The following DOCK6 variants were observed in gnomAD, a reference collection of about 807,000 sequenced individuals.
The protein encoded by DOCK6 is dedicator of cytokinesis 6.
In DOCK6, 167 loss-of-function variants were observed where a neutral mutation model predicts 230.3. That is an observed-to-expected ratio of 0.73 (90% CI 0.64 to 0.82). The LOEUF (loss-of-function observed/expected upper bound fraction) is 0.82. Among genes scored for constraint, DOCK6 ranks in the 40% least tolerant of loss-of-function variants. The probability of loss-of-function intolerance (pLI) is 0.00; values close to 1 mark genes in which losing one functional copy is unlikely to be tolerated. For missense variants in DOCK6, 2,598 were observed against 2,825.8 expected (o/e 0.92, Z 1.83); for synonymous variants, 1,148 against 1,185.0 (o/e 0.97, Z 0.64).
At chr19:11,221,826 C>A (rs2079582341) in intron 28 of DOCK6, 25 bp downstream of exon 28, 6 of 1,613,542 alleles carry the variant, frequency 3.7e-6, no homozygotes, top group East Asian at 2.2e-5. Context: ...GATCATGTGA[C>A]CCCATCTTCC....
At chr19:11,250,701 T>C (rs1292249144) in intron 6 of DOCK6, among the ~76,000 whole-genome samples, 173 bp downstream of exon 6, 1 of 152,058 alleles carries the variant, frequency 6.6e-6, no homozygotes, top group Non-Finnish European at 1.5e-5. Flanking sequence ...TGTCCACATA[T>C]AGAAGCTATT....
chr19:11,250,605 C>T (rs1449629039), intron 6 of DOCK6, among the ~76,000 whole-genome samples: 1 of 152,024 alleles, frequency 6.6e-6, no homozygotes, highest in African/African-American at 2.4e-5. Context: ...CCACCATGCC[C>T]GGCCTAGAAG....
At chr19:11,229,361 G>C in intron 22 of DOCK6, 1 of 1,123,262 alleles carries the variant, frequency 8.9e-7, no homozygotes, top group Non-Finnish European at 1.1e-6. Flanking sequence ...CGAGGTAGGA[G>C]GAGGCTCGGC....
At chr19:11,220,134 G>A (rs1278677877) in intron 28 of DOCK6, among the ~76,000 whole-genome samples, 4 of 151,714 alleles carry the variant, frequency 2.6e-5, no homozygotes, top group Non-Finnish European at 5.9e-5. Flanking sequence ...TTGTATTTTT[G>A]GGACAGACAG....
rs150678831 is a variant in DOCK6, at chr19:11,228,205, T to G, written c.2815-728A>C. Among the ~76,000 whole-genome samples the G allele has an allele frequency of 7.7e-3, 1,173 of 152,180 alleles. 12 individuals are homozygous for G. Among genetic ancestry groups the G allele is most frequent in the African/African-American group, 0.026 (1,075 of 41,510 alleles). On this transcript the variant is annotated intron_variant, in intron 23 of 47. Transcript: ENST00000294618. Reference sequence around the variant, plus strand: ...TTTGTATTTTTAGTAGAGATGGGGTTTCACCATGTTGGCCAGGCTGGTCTC... The same window carrying G: ...TTTGTATTTTTAGTAGAGATGGGGTGTCACCATGTTGGCCAGGCTGGTCTC...
chr19:11,210,485 CCTGT>C (rs1433469994), intron 37 of DOCK6, among the ~76,000 whole-genome samples: 2 of 147,154 alleles, frequency 1.4e-5, no homozygotes, highest in African/African-American at 5.0e-5. Context: ...CACCCCCTCA[CCTGT>C]CTATCCCCTC....
At chr19:11,223,483 G>A (rs545972005) in intron 24 of DOCK6, among the ~76,000 whole-genome samples, 3 of 152,240 alleles carry the variant, frequency 2.0e-5, no homozygotes, top group South Asian at 2.1e-4. Flanking sequence ...GGTGGGTGCC[G>A]GGGAACTGCC....
At position 11,243,637 on chromosome 19, in the gene DOCK6, G is replaced by A. The variant is rs745451038; in HGVS notation, c.1178C>T (p.Pro393Leu). The A allele has an allele frequency of 1.9e-6, 3 of 1,612,726 alleles. No individual in the cohort carries two copies. The South Asian group carries it at 3.3e-5, about 18-fold the overall frequency. The change falls in exon 11 of 48, where the codon CCC (proline) becomes CTC (leucine). Residue 393 changes from proline to leucine, a missense_variant. Pro to Leu is a moderately conservative substitution (Grantham distance 98). Coordinates refer to ENST00000294618, the MANE Select transcript of DOCK6 (RefSeq NM_020812.4). This position sits in a 1 kb window ranked among gnomAD's most constrained non-coding sequence, Gnocchi z 6.3. ...FCTRLGRYRM[P>L]FAWTAVHLAN... ...CAAGTGCACGGCCGTCCAGGCGAAG[G>A]GCATGCGGTAGCGGCCCAGGCGGGT... is the stretch of plus-strand genomic sequence containing the variant.
At chr19:11,229,762 G>A (rs2079733852) in intron 22 of DOCK6, among the ~76,000 whole-genome samples, 1 of 151,744 alleles carries the variant, frequency 6.6e-6, no homozygotes, top group African/African-American at 2.4e-5. Flanking sequence ...CTCAATACCT[G>A]TTATCCCAGC....
intron 39 of DOCK6, chr19:11,208,172 G>C (rs991986409): frequency 6.6e-6 from 1 of 151,922 alleles, no homozygotes; most frequent in Non-Finnish European, 1.5e-5. Context: ...AAGGAAAATT[G>C]AAAGCATCTC....
rs2079977933 is a variant in DOCK6, at chr19:11,243,339, GT to G, written c.1304del (p.Asp435AlafsTer20). ...WTDRRRRGPQDRASSGDDACS... is the reference protein window; with the variant it reads ...WTDRRRRGPQXRASSGDDACS... ...AGGCGTCGTCCCCACTACTCGCCCG[GT>G]CCTGGGGCCCCCGACGGCGGCGGTC... On this transcript the variant is annotated frameshift_variant, in exon 12 of 48. Coordinates refer to ENST00000294618, the MANE Select transcript of DOCK6 (RefSeq NM_020812.4). LOFTEE classifies it high-confidence loss of function. The surrounding 1 kb of genome is among the most constrained non-coding windows in gnomAD (Gnocchi z 6.3). 7 of 1,599,608 alleles carry G rather than the reference GT, an allele frequency of 4.4e-6. No individual in the cohort carries two copies. Among genetic ancestry groups the G allele is most frequent in the Non-Finnish European group, 6.0e-6 (7 of 1,173,890 alleles).
chr19:11,227,556 A>G, intron 23 of DOCK6, 79 bp from the exon 24 acceptor site: 1 of 1,496,480 alleles, frequency 6.7e-7, no homozygotes, highest in Non-Finnish European at 8.9e-7. Flanking sequence ...GTGGGGCTTG[A>G]AGGGCTGTGG....
rs1212715777 is a variant in DOCK6 at position 11,202,500 on chromosome 19, G to A, written c.5362-17C>T. 2.5e-6 allele frequency: 4 copies of A among 1,612,034 alleles called. No individual in the cohort carries two copies. The highest frequency in any genetic ancestry group is 1.3e-5 in the African/African-American group (1 of 74,542). ...GTAGAACTCCTGGAGACACAGGGCT[G>A]ACTCGGGGCCACCCAGGGACAGCCC... On this transcript the variant is annotated splice_polypyrimidine_tract_variant and intron_variant, in intron 42 of 47. Coordinates refer to ENST00000294618, the MANE Select transcript of DOCK6 (RefSeq NM_020812.4). This position sits in a 1 kb window ranked among gnomAD's most constrained non-coding sequence, Gnocchi z 5.3.
At chr19:11,237,128 G>A (rs1259126862) in intron 18 of DOCK6, 1 of 591,526 alleles carries the variant, frequency 1.7e-6, no homozygotes, top group Non-Finnish European at 3.0e-6. Context: ...AGTAGGTCAG[G>A]AAACAGGATA....
In DOCK6 at chr19:11,212,674, T is replaced by A. The variant is rs1008440372; in HGVS notation, c.4491+502A>T. ...GCCTCTCAGGTTCAAGCGATTCTCGTGTCTCAGCCTTCCAAGTAGCTGGGA... is the reference window on the plus strand; with the variant it reads ...GCCTCTCAGGTTCAAGCGATTCTCGAGTCTCAGCCTTCCAAGTAGCTGGGA... On this transcript the variant is annotated intron_variant, in intron 35 of 47. Coordinates refer to ENST00000294618, the MANE Select transcript of DOCK6 (RefSeq NM_020812.4). Among the ~76,000 whole-genome samples, 4 of 151,230 alleles carry A rather than the reference T, an allele frequency of 2.6e-5. No individual in the cohort carries two copies. In the Admixed American group the frequency reaches 2.6e-4, roughly 10 times the overall value.
chr19:11,259,961 G>GCAA (rs1009922826), intron 1 of DOCK6, among the ~76,000 whole-genome samples: 3 of 138,766 alleles, frequency 2.2e-5, no homozygotes, highest in Non-Finnish European at 4.5e-5. Flanking sequence ...TCTGCTCACT[G>GCAA]CAACCTCCAC....
At chr19:11,250,721 T>G (rs2080103963) in intron 6 of DOCK6, among the ~76,000 whole-genome samples, 153 bp downstream of exon 6, 1 of 152,128 alleles carries the variant, frequency 6.6e-6, no homozygotes, top group African/African-American at 2.4e-5. Context: ...TGAATAAACA[T>G]AGGATATACA....
In DOCK6 at chr19:11,252,558, A is replaced by G. The variant is rs753933850; in HGVS notation, c.309-8T>C. 1 of 1,613,920 alleles carries G rather than the reference A, an allele frequency of 6.2e-7. No homozygotes were observed. The highest frequency in any genetic ancestry group is 2.2e-5 in the East Asian group (1 of 44,886). On this transcript the variant is annotated splice_polypyrimidine_tract_variant and splice_region_variant and intron_variant, in intron 3 of 47. Coordinates refer to ENST00000294618, the MANE Select transcript of DOCK6 (RefSeq NM_020812.4). ...ACCTGGGCATCCAGTTTTCTGCAGC[A>G]AAAGAAGATCAGGGTAAACAGAGAC...
At position 11,239,912 on chromosome 19, in the gene DOCK6, G is replaced by C. The variant is rs1413635493; in HGVS notation, c.1644-1608C>G. On this transcript the variant is annotated intron_variant, in intron 14 of 47. Transcript: ENST00000294618. ...GGCCGGGATGCAGCCCAGGAACTTC[G>C]GGCAAGCCTGTTGGAGACTCAGGTG... 3.8e-6 allele frequency: 6 copies of C among 1,587,616 alleles called. No individual in the cohort carries two copies. In the Admixed American group the frequency reaches 5.4e-5, roughly 14 times the overall value.
Sources: allele counts gnomAD v4.1 joint callset (sites outside exome capture counted in the v4.1 genomes callset), GRCh38; gene constraint gnomAD v4.1.1; non-coding constraint Gnocchi (gnomAD v3.1); transcripts MANE v1.5; gene names NCBI Gene and HGNC (gene_info 2026-07-23, HGNC 2026-07-21).